Variants in PTBP2 observed in about 807,000 individuals in gnomAD.
The protein encoded by PTBP2 is polypyrimidine tract binding protein 2, also known as polypyrimidine tract-binding protein 2.
A neutral mutation model predicts 61.4 loss-of-function variants in PTBP2; 13 were observed. The ratio of observed to expected loss-of-function variants is 0.21; its 90% CI spans 0.14 to 0.34. PTBP2 has a LOEUF of 0.34. Among genes scored for constraint, PTBP2 ranks in the 10% least tolerant of loss-of-function variants. The pLI is 1.00. For synonymous variants in PTBP2, 215 were observed against 218.5 expected (o/e 0.98, Z 0.14); for missense variants, 405 against 642.6 (o/e 0.63, Z 4.00).
chr1:96,742,191 G>T (rs1392228950), intron 2 of PTBP2, among the ~76,000 whole-genome samples: 1 of 152,104 alleles, frequency 6.6e-6, no homozygotes, highest in African/African-American at 2.4e-5. Context: ...GAGCTGAAAG[G>T]CAGAGAACTA....
chr1:96,808,058 G>GT (rs1661670638), intron 11 of PTBP2, among the ~76,000 whole-genome samples: 1 of 151,912 alleles, frequency 6.6e-6, no homozygotes, highest in Non-Finnish European at 1.5e-5. Flanking sequence ...TTCCCTAATT[G>GT]TTTGAGGTAT....
At chr1:96,779,763 T>G (rs1466668080) in intron 7 of PTBP2, among the ~76,000 whole-genome samples, 1 of 152,122 alleles carries the variant, frequency 6.6e-6, no homozygotes, top group African/African-American at 2.4e-5. Flanking sequence ...TTTGCCCCAT[T>G]ACCTTGTAAT....
intron 5 of PTBP2, among the ~76,000 whole-genome samples, chr1:96,776,254 A>G (rs1036677311): frequency 3.9e-5 from 6 of 152,072 alleles, no homozygotes; most frequent in African/African-American, 1.2e-4. Flanking sequence ...TGAGCTACTT[A>G]AAATATTTAA....
intron 8 of PTBP2, among the ~76,000 whole-genome samples, chr1:96,791,838 T>TTTTTTTGTTTTTTTTTTTG: frequency 7.3e-6 from 1 of 137,680 alleles, no homozygotes. Context: ...TTTTTTTTTT[T>TTTTTTTGTTTTTTTTTTTG]TTTTTTTTTT....
intron 8 of PTBP2, among the ~76,000 whole-genome samples, chr1:96,798,171 T>G (rs189857717): frequency 1.1e-3 from 174 of 151,870 alleles, no homozygotes; most frequent in African/African-American, 3.9e-3. Context: ...TTTGGGAGGC[T>G]AAGGTGGGCA....
intron 2 of PTBP2, chr1:96,751,174 G>A (rs1166218178): frequency 2.0e-6 from 1 of 509,682 alleles, no homozygotes; most frequent in Non-Finnish European, 3.5e-6. Context: ...TTTGCTTATA[G>A]AATCTAATCA....
intron 3 of PTBP2, among the ~76,000 whole-genome samples, chr1:96,757,163 G>A (rs1242074485): frequency 6.6e-6 from 1 of 152,174 alleles, no homozygotes; most frequent in Non-Finnish European, 1.5e-5. Context: ...CCAGTTAAAA[G>A]ACAAAGATTG....
intron 8 of PTBP2, among the ~76,000 whole-genome samples, chr1:96,791,291 G>A (rs1381538340): frequency 2.6e-5 from 4 of 152,262 alleles, no homozygotes; most frequent in Admixed American, 2.0e-4. Context: ...ATACCCAAAT[G>A]TTTTCTTAAA....
chr1:96,788,595 A>G (rs1172291753), intron 8 of PTBP2, among the ~76,000 whole-genome samples: 1 of 152,104 alleles, frequency 6.6e-6, no homozygotes, highest in Non-Finnish European at 1.5e-5. Flanking sequence ...TTCCAGTAAC[A>G]GTACTTGTTC....
intron 5 of PTBP2, among the ~76,000 whole-genome samples, chr1:96,776,326 T>C (rs947216292): frequency 6.6e-6 from 1 of 151,720 alleles, no homozygotes; most frequent in Non-Finnish European, 1.5e-5. Context: ...TTTACAATTA[T>C]TTTTTCAATA....
At chr1:96,791,826 C>CTTTTTTTTTTTTTTTTTTTTTTTT (rs1163642886) in intron 8 of PTBP2, among the ~76,000 whole-genome samples, 2 of 66,128 alleles carry the variant, frequency 3.0e-5, no homozygotes, top group African/African-American at 8.2e-5. Context: ...TGGAGTTGTG[C>CTTTTTTTTTTTTTTTTTTTTTTTT]TTTTTTTTTT....
rs758665041 is a variant in PTBP2, at chr1:96,770,728, C to T, written c.309C>T (p.Thr103=). The change falls in exon 5 of 14, where the codon ACC becomes ACT. Residue 103 remains threonine, a synonymous_variant. Transcript: ENST00000674951. ...GKNQAFLELA[T]EEAAITMVNY... ...TTCAGGCATTTTTGGAACTAGCAAC[C>T]GAGGAAGCAGCTATTACTATGGTTA... 39 of 1,611,008 alleles carry T rather than the reference C, an allele frequency of 2.4e-5. No individual in the cohort carries two copies. The highest frequency in any genetic ancestry group is 4.4e-5 in the South Asian group (4 of 90,474).
chr1:96,756,121 G>A (rs572732015), intron 3 of PTBP2, among the ~76,000 whole-genome samples: 1 of 152,234 alleles, frequency 6.6e-6, no homozygotes, highest in South Asian at 2.1e-4. Flanking sequence ...CTATACGGCC[G>A]GGCACAGTGG....
At chr1:96,776,467 A>G (rs754421192) in intron 5 of PTBP2, among the ~76,000 whole-genome samples, 16 of 152,102 alleles carry the variant, frequency 1.1e-4, no homozygotes, top group Non-Finnish European at 2.9e-5. Flanking sequence ...GTTTAGATAT[A>G]TATCTGGACT....
At chr1:96,792,631 G>A (rs78789611) in intron 8 of PTBP2, among the ~76,000 whole-genome samples, 1,741 of 151,878 alleles carry the variant, frequency 0.011, 38 homozygotes, top group African/African-American at 0.041. Context: ...TTGTTACCAA[G>A]TCCATTAAGT....
chr1:96,806,566 T>C, intron 10 of PTBP2, 114 bp downstream of exon 10: 1 of 1,222,828 alleles, frequency 8.2e-7, no homozygotes, highest in Non-Finnish European at 1.2e-6. Flanking sequence ...TTTTGCTATT[T>C]TTCTTTGCTA....
chr1:96,731,797 T>C (rs990774999), intron 2 of PTBP2, among the ~76,000 whole-genome samples: 5 of 152,196 alleles, frequency 3.3e-5, no homozygotes, highest in Non-Finnish European at 5.9e-5. Context: ...TGCATTTCTT[T>C]AAAATGGCTT....
chr1:96,758,388 A>G (rs1292319737), intron 3 of PTBP2, among the ~76,000 whole-genome samples: 1 of 152,042 alleles, frequency 6.6e-6, no homozygotes, highest in Non-Finnish European at 1.5e-5. Flanking sequence ...AGGGAATACT[A>G]CCCTGTTCAC....
At chr1:96,724,710 TA>T (rs1363823969) in intron 2 of PTBP2, among the ~76,000 whole-genome samples, 35 of 66,540 alleles carry the variant, frequency 5.3e-4, no homozygotes, top group East Asian at 4.3e-3. Context: ...TTGGGAGATA[TA>T]GGGGGGAGGG....
Sources: gnomAD v4.1 joint callset for allele counts (sites outside exome capture counted in the v4.1 genomes callset) on GRCh38, gnomAD v4.1.1 for gene constraint, MANE v1.5 for transcripts, NCBI Gene and HGNC (gene_info 2026-07-23, HGNC 2026-07-21) for gene names.